Variants in ABLIM2 observed in about 807,000 individuals in gnomAD.
ABLIM2 encodes actin binding LIM protein family member 2.
Under a neutral mutation model 97.7 loss-of-function variants are expected in ABLIM2, and 53 were observed. The observed-to-expected ratio is 0.54, with a 90% CI of 0.44 to 0.68. ABLIM2 has a LOEUF of 0.68. Ranked by LOEUF, ABLIM2 falls within the 30% of genes least tolerant of loss-of-function variation. The pLI, the probability that ABLIM2 is intolerant of heterozygous loss-of-function variation, is 0.00. For synonymous variants in ABLIM2, 361 were observed against 345.8 expected, an observed-to-expected ratio of 1.04 and a Z score of -0.49; for missense variants, 835 against 867.2, an observed-to-expected ratio of 0.96 and a Z score of 0.47.
chr4:8,042,335 G>A (rs1251435508), intron 9 of ABLIM2, among the ~76,000 whole-genome samples: 1 of 152,112 alleles, frequency 6.6e-6, no homozygotes, highest in Non-Finnish European at 1.5e-5. Flanking sequence ...TGCACAACCT[G>A]GCCATGGAGC....
rs929104356 is a variant in ABLIM2 at position 8,022,201 on chromosome 4, C to T, written c.1268-1898G>A. Among the ~76,000 whole-genome samples the T allele has an allele frequency of 3.9e-5, 6 of 152,228 alleles. No individual in the cohort carries two copies. In the South Asian group the frequency reaches 1.2e-3, roughly 32 times the overall value. On this transcript the variant is annotated intron_variant, in intron 12 of 20. Transcript: ENST00000447017. This position sits in a 1 kb window ranked among gnomAD's most constrained non-coding sequence, Gnocchi z 7.8. The stretch of plus-strand genomic sequence containing the variant: ...GCACCATCTCTAAGCTGTGTGTGCT[C>T]TTGGCACAGCTCGTGGACCTGGGAG...
At chr4:8,106,420 G>T in intron 2 of ABLIM2, 74 bp downstream of exon 2, 1 of 1,546,630 alleles carries the variant, frequency 6.5e-7, no homozygotes, top group Non-Finnish European at 8.7e-7. Flanking sequence ...TTCCCAGGAG[G>T]CTTTGCGGGC....
intron 20 of ABLIM2, among the ~76,000 whole-genome samples, chr4:7,980,306 C>T (rs926449664): frequency 6.6e-6 from 1 of 152,106 alleles, no homozygotes; most frequent in Non-Finnish European, 1.5e-5. Flanking sequence ...AAAACTGTAG[C>T]CATAAGATAC....
chr4:8,057,126 T>C (rs1423681083), intron 7 of ABLIM2, among the ~76,000 whole-genome samples: 1 of 146,944 alleles, frequency 6.8e-6, no homozygotes, highest in East Asian at 2.1e-4. Flanking sequence ...TAAGACAAAG[T>C]CTCACTCTGT....
At position 8,027,863 on chromosome 4, in the gene ABLIM2, G is replaced by A. The variant is rs1778400665; in HGVS notation, c.1169-6C>T. On this transcript the variant is annotated splice_region_variant and splice_polypyrimidine_tract_variant and intron_variant, in intron 11 of 20. Transcript: ENST00000447017. ...ACCCACACTCACAGTACCAGCTACGGGGTAACAGAGAGCAAGTCAGAGTCA... is the reference window on the plus strand; with the variant it reads ...ACCCACACTCACAGTACCAGCTACGAGGTAACAGAGAGCAAGTCAGAGTCA... 1 of 1,573,102 alleles carries A rather than the reference G, an allele frequency of 6.4e-7. No individual in the cohort carries two copies. The highest frequency in any genetic ancestry group is 2.4e-5 in the East Asian group (1 of 42,210).
intron 14 of ABLIM2, 110 bp from the exon 15 acceptor site, chr4:8,009,212 G>A: frequency 7.3e-7 from 1 of 1,374,602 alleles, no homozygotes; most frequent in South Asian, 1.2e-5. Context: ...CAATCAAAGA[G>A]AAGGTCAGTA....
At chr4:7,991,051 G>A (rs915164520) in intron 17 of ABLIM2, among the ~76,000 whole-genome samples, 11 of 152,212 alleles carry the variant, frequency 7.2e-5, no homozygotes, top group African/African-American at 2.7e-4. Flanking sequence ...TAGTCTGCAG[G>A]AGAAACATAT....
intron 1 of ABLIM2, among the ~76,000 whole-genome samples, chr4:8,133,104 C>A (rs1849663252): frequency 6.6e-6 from 1 of 152,198 alleles, no homozygotes; most frequent in African/African-American, 2.4e-5. Context: ...TCCCGAGCCT[C>A]AGCCTGCAGC....
intron 16 of ABLIM2, chr4:8,007,459 G>C: frequency 1.0e-6 from 1 of 985,542 alleles, no homozygotes; most frequent in Admixed American, 6.1e-5. Flanking sequence ...CACTGAGTGA[G>C]CACTTGCTAC....
At chr4:8,136,142 G>A (rs77310398) in intron 1 of ABLIM2, among the ~76,000 whole-genome samples, 3,423 of 152,242 alleles carry the variant, frequency 0.022, 122 homozygotes, top group African/African-American at 0.078. Flanking sequence ...ATAAAATCCC[G>A]ACAGAGGCTA....
intron 10 of ABLIM2, among the ~76,000 whole-genome samples, chr4:8,035,241 T>C (rs934922609): frequency 6.6e-6 from 1 of 152,068 alleles, no homozygotes; most frequent in African/African-American, 2.4e-5. Flanking sequence ...GGGCACCTGC[T>C]GGCCCTGAGC....
intron 6 of ABLIM2, among the ~76,000 whole-genome samples, chr4:8,063,412 A>G (rs746167095): frequency 2.0e-5 from 3 of 152,254 alleles, no homozygotes; most frequent in African/African-American, 4.8e-5. Context: ...CCACAGCAGC[A>G]GTGGCTATGG....
In ABLIM2 at chr4:8,097,367, C is replaced by A. The variant is rs933414652; in HGVS notation, c.155-85G>T. ...GGCCCGAGGTGCACCCCCCTCCACACACACACCACCACCTGACACAGGCAC... is the reference window on the plus strand; with the variant it reads ...GGCCCGAGGTGCACCCCCCTCCACAAACACACCACCACCTGACACAGGCAC... On this transcript the variant is annotated intron_variant, in intron 2 of 20. Transcript: ENST00000447017. 7.5e-6 allele frequency: 11 copies of A among 1,463,274 alleles called. No homozygotes were observed. In the Admixed American group the frequency reaches 2.3e-4, roughly 31 times the overall value. 90.6% of individuals were successfully genotyped at this position (1,463,274 alleles called of 1,614,324 possible).
At chr4:8,070,292 C>CGT (rs1486577804) in intron 6 of ABLIM2, among the ~76,000 whole-genome samples, 3 of 150,446 alleles carry the variant, frequency 2.0e-5, no homozygotes, top group African/African-American at 7.3e-5. Context: ...GTGTATATCT[C>CGT]GTGTGTGTCT....
At chr4:8,066,222 C>T (rs1465818424) in intron 6 of ABLIM2, among the ~76,000 whole-genome samples, 14 of 149,368 alleles carry the variant, frequency 9.4e-5, no homozygotes, top group South Asian at 2.1e-4. Flanking sequence ...AGGAGAATGG[C>T]GTGAACCCGG....
chr4:8,000,789 C>G (rs542142582), intron 16 of ABLIM2, among the ~76,000 whole-genome samples: 3 of 152,130 alleles, frequency 2.0e-5, no homozygotes, highest in Non-Finnish European at 2.9e-5. Context: ...CAGACTCTTA[C>G]GCTGCTCCCA....
intron 1 of ABLIM2, among the ~76,000 whole-genome samples, chr4:8,152,158 T>C (rs546025396): frequency 2.0e-5 from 3 of 151,998 alleles, no homozygotes; most frequent in African/African-American, 7.2e-5. Flanking sequence ...CCAGGCTTTA[T>C]CCACACCAAC....
At chr4:8,097,012 A>T in intron 3 of ABLIM2, 87 bp downstream of exon 3, 1 of 1,449,428 alleles carries the variant, frequency 6.9e-7, no homozygotes, top group Admixed American at 2.3e-5. Flanking sequence ...CACGGGAGGG[A>T]GCAGGAGGAA....
intron 17 of ABLIM2, among the ~76,000 whole-genome samples, chr4:7,987,414 T>A (rs1192085611): frequency 6.6e-6 from 1 of 152,188 alleles, no homozygotes; most frequent in Admixed American, 6.5e-5. Context: ...TGAGCCACCA[T>A]GTCCACTCAA....
Sources: gnomAD v4.1 joint callset for allele counts (sites outside exome capture counted in the v4.1 genomes callset) on GRCh38, gnomAD v4.1.1 for gene constraint, Gnocchi (gnomAD v3.1) non-coding constraint, MANE v1.5 for transcripts, NCBI Gene and HGNC (gene_info 2026-07-23, HGNC 2026-07-21) for gene names.